MEF2A: variants seen among roughly 807,000 people sequenced by gnomAD.
MEF2A encodes the protein myocyte enhancer factor 2A, also known as myocyte-specific enhancer factor 2A.
MEF2A carries 28 observed loss-of-function variants against 55.8 expected under a neutral mutation model. The ratio of observed to expected loss-of-function variants is 0.50; its 90% CI spans 0.37 to 0.69. MEF2A has a LOEUF of 0.69. MEF2A is among the 30% of genes least tolerant of loss of function. The pLI is 0.00. For synonymous variants in MEF2A, 239 were observed against 227.1 expected (o/e 1.05, Z -0.47); for missense variants, 528 against 626.2 (o/e 0.84, Z 1.67).
chr15:99,607,025 A>G (rs1245471488), intron 2 of MEF2A, among the ~76,000 whole-genome samples: 1 of 152,208 alleles, frequency 6.6e-6, no homozygotes, highest in Non-Finnish European at 1.5e-5. Context: ...ATATCACAAG[A>G]TGTTTCTCAA....
intron 3 of MEF2A, among the ~76,000 whole-genome samples, chr15:99,644,425 G>T (rs981409119): frequency 6.6e-6 from 1 of 152,116 alleles, no homozygotes; most frequent in Non-Finnish European, 1.5e-5. Flanking sequence ...TTACATGTAC[G>T]TATTGTATCT....
At chr15:99,607,202 C>T (rs548466882) in intron 2 of MEF2A, among the ~76,000 whole-genome samples, 8 of 152,208 alleles carry the variant, frequency 5.3e-5, no homozygotes, top group Admixed American at 1.3e-4. Context: ...AGAGTTGCTA[C>T]CACAATAATC....
intron 9 of MEF2A, 85 bp downstream of exon 9, chr15:99,703,470 C>G: frequency 7.4e-7 from 1 of 1,354,502 alleles, no homozygotes; most frequent in Non-Finnish European, 1.0e-6. Flanking sequence ...AACCAATGTT[C>G]CCTTTGTTAC....
At chr15:99,639,986 T>G (rs1047109831) in intron 3 of MEF2A, among the ~76,000 whole-genome samples, 1 of 152,232 alleles carries the variant, frequency 6.6e-6, no homozygotes, top group African/African-American at 2.4e-5. Flanking sequence ...TAAACACTTT[T>G]ATGACGGGAC....
chr15:99,625,364 A>G (rs899663504), intron 2 of MEF2A, among the ~76,000 whole-genome samples: 1 of 152,190 alleles, frequency 6.6e-6, no homozygotes, highest in African/African-American at 2.4e-5. Flanking sequence ...TTCTACGTGT[A>G]AGATCATGCT....
chr15:99,666,864 G>GT (rs1255152021), intron 4 of MEF2A, among the ~76,000 whole-genome samples: 1 of 152,064 alleles, frequency 6.6e-6, no homozygotes, highest in East Asian at 1.9e-4. Flanking sequence ...AGAAAGGAAG[G>GT]TTGTGGGATT....
At chr15:99,637,419 C>T (rs904895806) in intron 3 of MEF2A, among the ~76,000 whole-genome samples, 1 of 152,068 alleles carries the variant, frequency 6.6e-6, no homozygotes, top group African/African-American at 2.4e-5. Context: ...ATTTGATTTT[C>T]TAAAGCATTA....
intron 8 of MEF2A, among the ~76,000 whole-genome samples, chr15:99,700,137 C>T (rs1447163220): frequency 3.5e-4 from 45 of 129,930 alleles, no homozygotes; most frequent in African/African-American, 1.1e-4. Flanking sequence ...GGATTACAGG[C>T]ATGAGCCACT....
intron 7 of MEF2A, among the ~76,000 whole-genome samples, chr15:99,683,338 T>G (rs1480189740): frequency 6.6e-6 from 1 of 152,162 alleles, no homozygotes; most frequent in Non-Finnish European, 1.5e-5. Flanking sequence ...TGGTAAACGT[T>G]TTGGAGGAAA....
intron 11 of MEF2A, among the ~76,000 whole-genome samples, chr15:99,711,636 A>T (rs759764466): frequency 1.3e-5 from 2 of 152,220 alleles, no homozygotes; most frequent in Non-Finnish European, 2.9e-5. Context: ...GCCTCTGCCC[A>T]GGAAGTCCCC....
intron 1 of MEF2A, among the ~76,000 whole-genome samples, chr15:99,587,412 GT>G (rs1967711093): frequency 6.6e-6 from 1 of 151,950 alleles, no homozygotes; most frequent in Admixed American, 6.6e-5. Context: ...GGCTGCCTTT[GT>G]TTCTTTTAAA....
chr15:99,573,906 T>C lies in MEF2A; in HGVS notation c.-225+7802T>C, dbSNP rs377318733. ...GTTTATTTTGATACTGAAAACCTTT[T>C]TATTAATGGTGTTAAACCTAATTGA... On this transcript the variant is annotated intron_variant, in intron 1 of 11. Transcript: ENST00000557942. Among the ~76,000 whole-genome samples, 11 of 152,320 alleles carry C rather than the reference T, an allele frequency of 7.2e-5. No homozygotes were observed. In the East Asian group the frequency reaches 2.1e-3, roughly 29 times the overall value.
intron 1 of MEF2A, among the ~76,000 whole-genome samples, chr15:99,589,104 CCTT>C (rs1037695115): frequency 8.5e-5 from 13 of 152,246 alleles, no homozygotes; most frequent in African/African-American, 2.4e-4. Flanking sequence ...TGTGTCCTCT[CCTT>C]CTGTTTCCTG....
intron 7 of MEF2A, among the ~76,000 whole-genome samples, chr15:99,680,772 C>T (rs1254183327): frequency 2.0e-5 from 3 of 152,120 alleles, no homozygotes; most frequent in South Asian, 4.1e-4. Context: ...GATTATAATA[C>T]TTAAGATGGT....
At chr15:99,695,649 C>T (rs1029555003) in intron 8 of MEF2A, among the ~76,000 whole-genome samples, 2 of 151,356 alleles carry the variant, frequency 1.3e-5, no homozygotes, top group South Asian at 2.1e-4. Flanking sequence ...CACCTGAGGT[C>T]GAGAGTTCGA....
At chr15:99,683,733 T>G (rs2053686538) in intron 7 of MEF2A, among the ~76,000 whole-genome samples, 1 of 148,974 alleles carries the variant, frequency 6.7e-6, no homozygotes. Context: ...AAAAAAAAAT[T>G]ATTTCAATAG....
At chr15:99,565,973 C>T (rs1959177271), upstream of MEF2A, 1 of 152,238 alleles carries the variant, frequency 6.6e-6, no homozygotes, top group Admixed American at 6.5e-5. Flanking sequence ...AAAAATAGCC[C>T]CGGTGTGGGG....
chr15:99,599,116 TC>T (rs1305702834), intron 2 of MEF2A, among the ~76,000 whole-genome samples: 1 of 152,122 alleles, frequency 6.6e-6, no homozygotes, highest in Admixed American at 6.5e-5. Flanking sequence ...ATTCACAGTA[TC>T]TCAGTAAGAT....
At position 99,644,999 on chromosome 15, in the gene MEF2A, TG is replaced by T. The variant is rs375778816; in HGVS notation, c.55-555del. Among the ~76,000 whole-genome samples the T allele has an allele frequency of 3.1e-3, 474 of 152,140 alleles. 5 individuals carry two copies. The highest frequency in any genetic ancestry group is 0.011 in the African/African-American group (442 of 41,514). On this transcript the variant is annotated intron_variant, in intron 3 of 11. Coordinates refer to ENST00000557942, the MANE Select transcript of MEF2A (RefSeq NM_001319206.4). ...AAAGGGTGTAAATAAAAAAATTTTT[TG>T]GGGGGGTCTCTGTTAGAGAGGATTT...
Sources: allele counts gnomAD v4.1 joint callset (sites outside exome capture counted in the v4.1 genomes callset), GRCh38; gene constraint gnomAD v4.1.1; transcripts MANE v1.5; gene names NCBI Gene and HGNC (gene_info 2026-07-23, HGNC 2026-07-21).